DMD: variants seen among roughly 807,000 people sequenced by gnomAD.
DMD encodes mutant dystrophin.
DMD carries 63 observed loss-of-function variants against 330.1 expected under a neutral mutation model. The observed-to-expected ratio is 0.19, with a 90% CI of 0.16 to 0.24. The LOEUF (loss-of-function observed/expected upper bound fraction) is 0.24, where lower values mean the gene tolerates loss of function less well. DMD is among the 10% of genes least tolerant of loss of function. The probability of loss-of-function intolerance (pLI) is 1.00; values close to 1 mark genes in which losing one functional copy is unlikely to be tolerated. For synonymous variants in DMD, 1,223 were observed against 959.8 expected, an observed-to-expected ratio of 1.27 and a Z score of -5.07; for missense variants, 3,344 against 2,684.1, an observed-to-expected ratio of 1.25 and a Z score of -5.43.
chrX:33,042,312 T>A (rs2094314980), intron 1 of DMD, among the ~76,000 whole-genome samples: 2 of 111,667 alleles, frequency 1.8e-5, no homozygotes, highest in African/African-American at 6.5e-5. Flanking sequence ...ATTTTCAATA[T>A]ATAATTCCTG....
chrX:32,752,294 C>T (rs1180505887), intron 7 of DMD, among the ~76,000 whole-genome samples: 3 of 111,238 alleles, frequency 2.7e-5, no homozygotes, highest in Non-Finnish European at 3.8e-5. Flanking sequence ...CCCAAGACCA[C>T]GTGAACCCCT....
At chrX:32,560,186 G>GAAA (rs58266350) in intron 16 of DMD, among the ~76,000 whole-genome samples, 2 of 100,725 alleles carry the variant, frequency 2.0e-5, no homozygotes, top group Non-Finnish European at 4.0e-5. Flanking sequence ...AGACTCGCTT[G>GAAA]AAAAAAAAAA....
At chrX:32,878,251 G>T (rs370821499) in intron 2 of DMD, among the ~76,000 whole-genome samples, 4 of 110,460 alleles carry the variant, frequency 3.6e-5, no homozygotes, top group East Asian at 5.8e-4. Flanking sequence ...AGTGGCGGGC[G>T]CCTGTAGTCC....
intron 49 of DMD, among the ~76,000 whole-genome samples, chrX:31,820,960 AAT>A (rs1420079755): frequency 9.8e-5 from 11 of 112,596 alleles, no homozygotes; most frequent in African/African-American, 3.5e-4. Context: ...AATGCCTGGC[AAT>A]ATAACAGTAG....
At chrX:31,581,724 CT>C (rs1360317861) in intron 55 of DMD, among the ~76,000 whole-genome samples, 1 of 111,617 alleles carries the variant, frequency 9.0e-6, no homozygotes, top group Non-Finnish European at 1.9e-5. Flanking sequence ...GAAAAGATAA[CT>C]TATTATTTAA....
At chrX:31,146,574 T>C (rs2036726392) in intron 75 of DMD, among the ~76,000 whole-genome samples, 160 bp from the exon 76 acceptor site, 1 of 112,693 alleles carries the variant, frequency 8.9e-6, no homozygotes, top group African/African-American at 3.2e-5. Context: ...ACTGTTGATA[T>C]AATCCATAGA....
chrX:32,426,507 CAG>C (rs201682724), intron 29 of DMD, among the ~76,000 whole-genome samples: 1,487 of 111,420 alleles, frequency 0.013, 22 homozygotes, highest in African/African-American at 0.046. Flanking sequence ...GCAGAGAAAA[CAG>C]AACATTTATA....
chrX:32,485,238 G>A, intron 20 of DMD, 139 bp from the exon 21 acceptor site: 1 of 566,329 alleles, frequency 1.8e-6, no homozygotes, highest in Non-Finnish European at 2.9e-6. Context: ...ATCCATGACA[G>A]TATAGACAAG....
At chrX:32,187,440 C>G (rs1282049325) in intron 44 of DMD, among the ~76,000 whole-genome samples, 1 of 111,461 alleles carries the variant, frequency 9.0e-6, no homozygotes, top group African/African-American at 3.3e-5. Flanking sequence ...CCCTGTCCCC[C>G]CAGAAAGTTG....
intron 44 of DMD, among the ~76,000 whole-genome samples, chrX:32,088,925 A>C (rs1429534308): frequency 8.9e-6 from 1 of 111,786 alleles, no homozygotes; most frequent in African/African-American, 3.3e-5. Flanking sequence ...ACATGTATGT[A>C]AAGGCAAGCA....
chrX:31,743,738 T>C (rs1403895486), intron 51 of DMD, among the ~76,000 whole-genome samples: 2 of 112,023 alleles, frequency 1.8e-5, no homozygotes, highest in Admixed American at 9.5e-5. Flanking sequence ...TCGGTTACTA[T>C]GCTCAGTACC....
chrX:33,018,709 C>T (rs1483327195), intron 2 of DMD, among the ~76,000 whole-genome samples: 8 of 111,601 alleles, frequency 7.2e-5, no homozygotes, highest in African/African-American at 2.6e-4. Context: ...GAAAATATGT[C>T]TCTTGTCTGC....
At chrX:32,079,798 A>G (rs2096379007) in intron 44 of DMD, among the ~76,000 whole-genome samples, 1 of 111,837 alleles carries the variant, frequency 8.9e-6, no homozygotes, top group African/African-American at 3.3e-5. Flanking sequence ...GAGAGAATGT[A>G]ATATCCATGT....
chrX:32,967,625 T>C (rs980261442), intron 2 of DMD, among the ~76,000 whole-genome samples: 2 of 111,564 alleles, frequency 1.8e-5, no homozygotes, highest in African/African-American at 6.5e-5. Flanking sequence ...CGCAATTAGA[T>C]GATGAGACAA....
chrX:31,641,324 A>G (rs1048602067), intron 54 of DMD, among the ~76,000 whole-genome samples: 4 of 105,829 alleles, frequency 3.8e-5, no homozygotes, highest in African/African-American at 1.4e-4. Flanking sequence ...AGATGGTGAA[A>G]CCCTGTCTCT....
intron 1 of DMD, among the ~76,000 whole-genome samples, chrX:33,068,661 T>A (rs2094700076): frequency 1.8e-5 from 2 of 112,565 alleles, no homozygotes; most frequent in Middle Eastern, 4.6e-3. Flanking sequence ...ACACATACAG[T>A]GAGAGAAAGA....
chrX:32,514,690 G>A (rs1315794086), intron 18 of DMD, among the ~76,000 whole-genome samples: 1 of 112,581 alleles, frequency 8.9e-6, no homozygotes, highest in South Asian at 3.6e-4. Context: ...GCAGTGAGCC[G>A]AGATCGCGCC....
At chrX:31,478,868 T>G (rs2068022416) in intron 58 of DMD, 115 bp downstream of exon 58, 1 of 811,197 alleles carries the variant, frequency 1.2e-6, no homozygotes, top group Admixed American at 3.2e-5. Flanking sequence ...GAATTGATTC[T>G]ATTTAACCAA....
intron 41 of DMD, among the ~76,000 whole-genome samples, chrX:32,315,551 T>G (rs963327518): frequency 1.8e-5 from 2 of 110,186 alleles, no homozygotes; most frequent in African/African-American, 6.6e-5. Context: ...TGACACTGGA[T>G]AAAATAAAAA....
Sources: gnomAD v4.1 joint callset for allele counts (sites outside exome capture counted in the v4.1 genomes callset) on GRCh38, gnomAD v4.1.1 for gene constraint, MANE v1.5 for transcripts, NCBI Gene and HGNC (gene_info 2026-07-23, HGNC 2026-07-21) for gene names.